BLTP1: variants seen among roughly 807,000 people sequenced by gnomAD.
BLTP1 encodes the protein bridge-like lipid transfer protein family member 1.
At chr4:122,343,367 T>A in the BLTP1 span, 1 of 1,604,490 alleles carries the variant, frequency 6.2e-7, no homozygotes, top group Non-Finnish European at 8.5e-7. Flanking sequence ...ACTGGCCTTT[T>A]TTTCTTGTAG....
chr4:122,246,766 G>A, the BLTP1 span: 3 of 1,613,028 alleles, frequency 1.9e-6, no homozygotes, highest in East Asian at 4.5e-5. Flanking sequence ...TTTCCCTAGT[G>A]GCATTGTGTT....
chr4:122,190,780 A>G, the BLTP1 span, among the ~76,000 whole-genome samples: 1 of 152,178 alleles, frequency 6.6e-6, no homozygotes, highest in African/African-American at 2.4e-5. Context: ...AATTCTTGAC[A>G]GGTGGCTTCC....
the BLTP1 span, among the ~76,000 whole-genome samples, chr4:122,185,593 A>C: frequency 6.6e-6 from 1 of 152,162 alleles, no homozygotes; most frequent in Admixed American, 6.5e-5. Context: ...TTATGGAAAT[A>C]AGTATTTATG....
chr4:122,353,602 G>A, the BLTP1 span, among the ~76,000 whole-genome samples: 1 of 152,088 alleles, frequency 6.6e-6, no homozygotes, highest in African/African-American at 2.4e-5. This position sits in a 1 kb window ranked among gnomAD's most constrained non-coding sequence, Gnocchi z 4.3. Context: ...AATGTTTGAT[G>A]TTTGATGCTT....
the BLTP1 span, chr4:122,251,674 C>A: frequency 2.3e-6 from 2 of 888,728 alleles, no homozygotes; most frequent in Non-Finnish European, 2.7e-6. Context: ...TCTCTCAGAT[C>A]CTACTCTTCT....
At chr4:122,232,529 C>T in the BLTP1 span, among the ~76,000 whole-genome samples, 1 of 152,032 alleles carries the variant, frequency 6.6e-6, no homozygotes, top group Admixed American at 6.6e-5. Context: ...ATCGCTGGAA[C>T]CTGGGAGGCG....
chr4:122,183,656 C>A, the BLTP1 span, among the ~76,000 whole-genome samples: 1 of 152,060 alleles, frequency 6.6e-6, no homozygotes, highest in African/African-American at 2.4e-5. Flanking sequence ...ACAGGAATTT[C>A]TTTCTTAATC....
chr4:122,347,680 A>AC, the BLTP1 span: 1 of 1,613,908 alleles, frequency 6.2e-7, no homozygotes, highest in Non-Finnish European at 8.5e-7. Context: ...TGAGCATATG[A>AC]CAAACAGCAC....
the BLTP1 span, among the ~76,000 whole-genome samples, chr4:122,253,260 C>T: frequency 6.6e-6 from 1 of 151,996 alleles, no homozygotes; most frequent in Admixed American, 6.5e-5. Context: ...GATGAACGTC[C>T]ACAAACATCA....
chr4:122,264,131 A>G, the BLTP1 span: 11 of 1,265,396 alleles, frequency 8.7e-6, no homozygotes, highest in African/African-American at 3.1e-5. Context: ...TTTCTTTTCA[A>G]TTTAATCAGT....
chr4:122,227,007 AAT>A, the BLTP1 span: 2 of 568,500 alleles, frequency 3.5e-6, no homozygotes, highest in Non-Finnish European at 5.3e-6. Flanking sequence ...AAGTATCTAA[AAT>A]ATGAGATAAT....
At chr4:122,313,684 G>A in the BLTP1 span, 1 of 1,543,332 alleles carries the variant, frequency 6.5e-7, no homozygotes, top group Non-Finnish European at 8.9e-7. Flanking sequence ...ACAAGCAGCA[G>A]CTGGTAGGTT....
the BLTP1 span, chr4:122,169,773 T>C: frequency 1.0e-6 from 1 of 984,932 alleles, no homozygotes. Context: ...CAGTGAATTT[T>C]TCTTTATCCT....
the BLTP1 span, chr4:122,263,675 G>A: frequency 1.1e-6 from 1 of 881,706 alleles, no homozygotes; most frequent in Non-Finnish European, 1.7e-6. Flanking sequence ...TTCAGGGGAT[G>A]GGTTAAAAAT....
the BLTP1 span, chr4:122,250,348 T>C: frequency 1.3e-6 from 2 of 1,584,156 alleles, no homozygotes; most frequent in East Asian, 2.2e-5. Context: ...AAATGCTTTT[T>C]TTTATTTTTA....
chr4:122,164,284 C>T, the BLTP1 span: 1 of 568,856 alleles, frequency 1.8e-6, no homozygotes, highest in Non-Finnish European at 2.2e-6. Flanking sequence ...AGCCGTTTTC[C>T]CAACTACAGC....
chr4:122,277,463 C>T, the BLTP1 span: 50 of 983,234 alleles, frequency 5.1e-5, no homozygotes, highest in Admixed American at 3.1e-4. Flanking sequence ...AGAAGTCATT[C>T]TTTTGCTTTA....
the BLTP1 span, chr4:122,254,133 T>C: frequency 6.7e-7 from 1 of 1,498,330 alleles, no homozygotes; most frequent in Non-Finnish European, 9.1e-7. Flanking sequence ...AACATTAGCC[T>C]CTGTGTTAGT....
At chr4:122,309,337 A>G in the BLTP1 span, 19 of 1,613,500 alleles carry the variant, frequency 1.2e-5, no homozygotes, top group Non-Finnish European at 1.2e-5. Flanking sequence ...TCATCACTGC[A>G]TGCTCTTCAG....
Sources: gnomAD v4.1 joint callset for allele counts (sites outside exome capture counted in the v4.1 genomes callset) on GRCh38, gnomAD v4.1.1 for gene constraint, Gnocchi (gnomAD v3.1) non-coding constraint, MANE v1.5 for transcripts, NCBI Gene and HGNC (gene_info 2026-07-23, HGNC 2026-07-21) for gene names.